The following BRINP2 variants were observed in gnomAD, a reference collection of about 807,000 sequenced individuals.
BRINP2 encodes the protein BMP/retinoic acid-inducible neural-specific protein 2.
BRINP2 carries 21 observed loss-of-function variants against 69.2 expected under a neutral mutation model. The ratio of observed to expected loss-of-function variants is 0.30; its 90% CI spans 0.22 to 0.44. The LOEUF is 0.44. Among genes scored for constraint, BRINP2 ranks in the 20% least tolerant of loss-of-function variants. The pLI, the probability that BRINP2 is intolerant of heterozygous loss-of-function variation, is 1.00. For missense variants in BRINP2, 877 were observed against 986.0 expected (o/e 0.89, Z 1.48); for synonymous variants, 380 against 394.1 (o/e 0.96, Z 0.42).
chr1:177,173,605 T>C (rs1346460231), intron 1 of BRINP2, among the ~76,000 whole-genome samples: 1 of 152,196 alleles, frequency 6.6e-6, no homozygotes, highest in African/African-American at 2.4e-5. Flanking sequence ...GTCTCAAAGA[T>C]GGGGAGCATC....
At chr1:177,277,941 A>G (rs1412069859) in intron 6 of BRINP2, among the ~76,000 whole-genome samples, 2 of 152,200 alleles carry the variant, frequency 1.3e-5, no homozygotes, top group East Asian at 3.9e-4. Context: ...AGCAGAAGGC[A>G]GGTTGCTTCT....
chr1:177,251,547 T>C (rs543689918), intron 2 of BRINP2, among the ~76,000 whole-genome samples: 1 of 152,308 alleles, frequency 6.6e-6, no homozygotes, highest in African/African-American at 2.4e-5. Context: ...TCTTAATCTC[T>C]CTGGGTCCAA....
At chr1:177,195,320 T>C (rs964471014) in intron 1 of BRINP2, among the ~76,000 whole-genome samples, 5 of 152,060 alleles carry the variant, frequency 3.3e-5, no homozygotes, top group Admixed American at 6.6e-5. Flanking sequence ...AAGGGACTTT[T>C]GTGATAAGCA....
chr1:177,254,641 C>T (rs1373479614), intron 2 of BRINP2, among the ~76,000 whole-genome samples: 1 of 151,616 alleles, frequency 6.6e-6, no homozygotes, highest in Non-Finnish European at 1.5e-5. Flanking sequence ...CTTGAAAGCA[C>T]AGGCAACAAA....
At chr1:177,233,571 A>G (rs1481459654) in intron 2 of BRINP2, among the ~76,000 whole-genome samples, 1 of 152,220 alleles carries the variant, frequency 6.6e-6, no homozygotes, top group Non-Finnish European at 1.5e-5. Context: ...TCGACAGCCT[A>G]TATTAGAAGG....
At chr1:177,211,061 G>A (rs1649208211) in intron 1 of BRINP2, among the ~76,000 whole-genome samples, 1 of 150,850 alleles carries the variant, frequency 6.6e-6, no homozygotes, top group South Asian at 2.1e-4. Context: ...CACCACCCTG[G>A]ATACAACCAG....
chr1:177,264,012 G>A (rs1651045112), intron 4 of BRINP2, among the ~76,000 whole-genome samples: 1 of 152,146 alleles, frequency 6.6e-6, no homozygotes, highest in African/African-American at 2.4e-5. Flanking sequence ...GGCTCTCAGT[G>A]CCACCTAGAA....
At position 177,244,159 on chromosome 1, in the gene BRINP2, T is replaced by G. The variant is rs374175088; in HGVS notation, c.270-11760T>G. ...AGAGACCTGACTTGGCTGTGATACT[T>G]GTGAAAAAAATTTCTGGGGCTGGAA... On this transcript the variant is annotated intron_variant, in intron 2 of 7. Coordinates refer to ENST00000361539, the MANE Select transcript of BRINP2 (RefSeq NM_021165.4). Among the ~76,000 whole-genome samples the G allele has an allele frequency of 1.2e-4, 19 of 152,304 alleles. No homozygotes were observed. The South Asian group carries it at 1.9e-3, about 15-fold the overall frequency.
intron 1 of BRINP2, among the ~76,000 whole-genome samples, chr1:177,186,836 G>A (rs999642009): frequency 6.6e-6 from 1 of 152,126 alleles, no homozygotes; most frequent in Admixed American, 6.5e-5. Flanking sequence ...ATCACACTAA[G>A]CAGGCATTTC....
In BRINP2 at chr1:177,218,766, C is replaced by T. The variant is rs1417313323; in HGVS notation, c.-76-11035C>T. Among the ~76,000 whole-genome samples, 10 of 152,152 alleles carry T rather than the reference C, an allele frequency of 6.6e-5. No homozygotes were observed. In the East Asian group the frequency reaches 1.2e-3, roughly 18 times the overall value. ...ACGTGGTCAAAGCAAAACCATTTCT[C>T]TTACCCCTTCCATGTGGAGTTTGAT... is the stretch of plus-strand genomic sequence containing the variant. On this transcript the variant is annotated intron_variant, in intron 1 of 7. Coordinates refer to ENST00000361539, the MANE Select transcript of BRINP2 (RefSeq NM_021165.4).
In BRINP2 at chr1:177,278,557, C is replaced by G; in HGVS notation, c.1013-6C>G. On this transcript the variant is annotated splice_polypyrimidine_tract_variant and splice_region_variant and intron_variant, in intron 6 of 7. Coordinates refer to ENST00000361539, the MANE Select transcript of BRINP2 (RefSeq NM_021165.4). Reference sequence around the variant, plus strand: ...GTCAGCTCAGGTCCTGTGTTCTTGTCCACAGAAGAGTTCCAGGCCCTGCTG... The same window carrying G: ...GTCAGCTCAGGTCCTGTGTTCTTGTGCACAGAAGAGTTCCAGGCCCTGCTG... The G allele has an allele frequency of 6.2e-7, 1 of 1,613,562 alleles. No homozygotes were observed. Among genetic ancestry groups the G allele is most frequent in the East Asian group, 2.2e-5 (1 of 44,864 alleles).
chr1:177,218,742 C>T (rs1451541006), intron 1 of BRINP2, among the ~76,000 whole-genome samples: 5 of 152,110 alleles, frequency 3.3e-5, no homozygotes, highest in Admixed American at 6.5e-5. Context: ...GGAAGGGCAA[C>T]GTGGTCAAAG....
chr1:177,211,460 G>A (rs1649220487), intron 1 of BRINP2, among the ~76,000 whole-genome samples: 2 of 152,154 alleles, frequency 1.3e-5, no homozygotes, highest in South Asian at 4.1e-4. Context: ...TGCCTCTTCA[G>A]TGTCCTTCAA....
intron 4 of BRINP2, among the ~76,000 whole-genome samples, chr1:177,266,156 G>A (rs1018368090): frequency 6.0e-5 from 9 of 151,032 alleles, no homozygotes; most frequent in African/African-American, 2.2e-4. Context: ...ATTAACCATA[G>A]CACTGCTGGA....
Position 177,281,080 on chromosome 1 carries a change from G to A in BRINP2, c.1904G>A (p.Trp635Ter), listed in dbSNP as rs1038211415. The change falls in exon 8 of 8, where the codon TGG becomes TAG. Residue 635 changes from tryptophan to a stop codon, truncating the protein, a stop_gained. Transcript: ENST00000361539. LOFTEE classifies it high-confidence loss of function. ...TGGACTATCACCTTGGGGAATAGGT[G>A]GAAGACTTTCTTTGAGACAGTTCAT... Reference protein sequence around the residue: ...QNWTITLGNRWKTFFETVHVY... With the variant: ...QNWTITLGNR 1 of 1,614,086 alleles carries A rather than the reference G, an allele frequency of 6.2e-7. No homozygotes were observed. The highest frequency in any genetic ancestry group is 1.3e-5 in the African/African-American group (1 of 74,922).
intron 2 of BRINP2, among the ~76,000 whole-genome samples, chr1:177,254,935 G>T (rs1194649046): frequency 6.6e-6 from 1 of 152,096 alleles, no homozygotes; most frequent in Non-Finnish European, 1.5e-5. Flanking sequence ...TGCATAACTT[G>T]GTGACCTGAT....
intron 1 of BRINP2, among the ~76,000 whole-genome samples, chr1:177,198,478 G>T (rs556988448): frequency 9.2e-5 from 14 of 152,274 alleles, no homozygotes; most frequent in Admixed American, 7.8e-4. Flanking sequence ...TGAGACCTTG[G>T]CTTGAGATGT....
At chr1:177,252,481 G>A (rs1168017065) in intron 2 of BRINP2, among the ~76,000 whole-genome samples, 1 of 151,900 alleles carries the variant, frequency 6.6e-6, no homozygotes, top group African/African-American at 2.4e-5. Flanking sequence ...ACAGTGTATT[G>A]GTGTGATGTT....
chr1:177,260,732 CAT>C (rs1650919385), intron 4 of BRINP2, among the ~76,000 whole-genome samples: 1 of 152,146 alleles, frequency 6.6e-6, no homozygotes, highest in South Asian at 2.1e-4. Flanking sequence ...CTAGCAATAA[CAT>C]ATTATTTAAT....
Sources: allele counts gnomAD v4.1 joint callset (sites outside exome capture counted in the v4.1 genomes callset), GRCh38; gene constraint gnomAD v4.1.1; transcripts MANE v1.5; gene names NCBI Gene and HGNC (gene_info 2026-07-23, HGNC 2026-07-21).